Variants in TLN2 observed in about 807,000 individuals in gnomAD.
TLN2 encodes the protein talin-2.
In TLN2, 118 loss-of-function variants were observed where a neutral mutation model predicts 294.7. The ratio of observed to expected loss-of-function variants is 0.40; its 90% CI spans 0.34 to 0.47. TLN2 has a LOEUF of 0.47. Ranked by LOEUF, TLN2 falls within the 20% of genes least tolerant of loss-of-function variation. The pLI, the probability that TLN2 is intolerant of heterozygous loss-of-function variation, is 0.84. For synonymous variants in TLN2, 1,431 were observed against 1,304.5 expected, an observed-to-expected ratio of 1.10 and a Z score of -2.09; for missense variants, 3,083 against 3,282.2, an observed-to-expected ratio of 0.94 and a Z score of 1.48.
chr15:62,530,012 G>A (rs2040956470), intron 1 of TLN2, among the ~76,000 whole-genome samples: 1 of 152,150 alleles, frequency 6.6e-6, no homozygotes, highest in African/African-American at 2.4e-5. Flanking sequence ...ACCAACTGGT[G>A]AAACCCCTTC....
chr15:62,441,542 T>TG (rs1411629614), intron 1 of TLN2, among the ~76,000 whole-genome samples: 1 of 152,224 alleles, frequency 6.6e-6, no homozygotes, highest in African/African-American at 2.4e-5. Context: ...CATTGTCTGT[T>TG]GGGGCGGGAG....
chr15:62,672,147 G>T (rs2055509714), intron 9 of TLN2, among the ~76,000 whole-genome samples: 1 of 152,040 alleles, frequency 6.6e-6, no homozygotes, highest in Non-Finnish European at 1.5e-5. Context: ...ATTTATTTCA[G>T]TAAGAGTTGT....
At chr15:62,730,982 C>A (rs1338061393) in intron 28 of TLN2, among the ~76,000 whole-genome samples, 1 of 152,148 alleles carries the variant, frequency 6.6e-6, no homozygotes, top group Non-Finnish European at 1.5e-5. Context: ...TTTTCTTCTT[C>A]ATAGTTTTTC....
At chr15:62,839,477 G>C (rs116170215) in intron 58 of TLN2, among the ~76,000 whole-genome samples, 3,693 of 152,296 alleles carry the variant, frequency 0.024, 137 homozygotes, top group African/African-American at 0.083. Flanking sequence ...ACTGCCCACT[G>C]CAGACATTTG....
intron 1 of TLN2, among the ~76,000 whole-genome samples, chr15:62,480,272 G>A (rs1162975550): frequency 6.6e-6 from 1 of 152,172 alleles, no homozygotes; most frequent in Non-Finnish European, 1.5e-5. Flanking sequence ...GGAGTGCAGC[G>A]GCGCGATCTC....
At chr15:62,610,457 C>A (rs1242061420) in intron 2 of TLN2, among the ~76,000 whole-genome samples, 1 of 152,136 alleles carries the variant, frequency 6.6e-6, no homozygotes, top group African/African-American at 2.4e-5. Flanking sequence ...TCATGGCCAC[C>A]AGCCTGAACT....
chr15:62,799,724 A>G (rs2065792275), intron 48 of TLN2, among the ~76,000 whole-genome samples: 1 of 152,250 alleles, frequency 6.6e-6, no homozygotes, highest in South Asian at 2.1e-4. Context: ...AAGTGCTGTA[A>G]ATAAAACGGC....
chr15:62,815,297 C>T (rs1471501589), intron 52 of TLN2, among the ~76,000 whole-genome samples: 1 of 151,686 alleles, frequency 6.6e-6, no homozygotes, highest in Non-Finnish European at 1.5e-5. Flanking sequence ...GATCATATGA[C>T]CATGGCCTCT....
At chr15:62,708,935 A>T in intron 21 of TLN2, 139 bp downstream of exon 21, 1 of 1,013,900 alleles carries the variant, frequency 9.9e-7, no homozygotes, top group Admixed American at 2.9e-5. Context: ...TTCCCCACTG[A>T]AGCTCAGAAA....
chr15:62,652,266 C>A, intron 6 of TLN2, 132 bp downstream of exon 6: 1 of 966,470 alleles, frequency 1.0e-6, no homozygotes. Flanking sequence ...GCCTAATCCC[C>A]AGAGGGTGTG....
intron 1 of TLN2, among the ~76,000 whole-genome samples, chr15:62,571,404 C>T (rs1482278338): frequency 6.6e-6 from 1 of 152,202 alleles, no homozygotes; most frequent in African/African-American, 2.4e-5. Flanking sequence ...TTACAGCCAG[C>T]CAGTCTTGCT....
At chr15:62,402,586 T>A (rs2033107259) in intron 1 of TLN2, among the ~76,000 whole-genome samples, 1 of 152,220 alleles carries the variant, frequency 6.6e-6, no homozygotes. Context: ...CTCACTCTCC[T>A]TCAGCTTCAG....
chr15:62,790,010 G>A (rs1229060901), intron 45 of TLN2, among the ~76,000 whole-genome samples: 1 of 152,196 alleles, frequency 6.6e-6, no homozygotes. Flanking sequence ...GTAGTTTTGT[G>A]CTGATCTCAG....
intron 1 of TLN2, among the ~76,000 whole-genome samples, chr15:62,403,084 A>C (rs2033144108): frequency 6.6e-6 from 1 of 152,148 alleles, no homozygotes; most frequent in African/African-American, 2.4e-5. Flanking sequence ...CTAAAAACAC[A>C]AAAATTGGCT....
intron 1 of TLN2, among the ~76,000 whole-genome samples, chr15:62,522,464 C>T (rs1383030191): frequency 6.6e-6 from 1 of 152,170 alleles, no homozygotes; most frequent in Non-Finnish European, 1.5e-5. Flanking sequence ...AGCATTGGCA[C>T]AACTGGCATA....
chr15:62,587,015 G>A (rs1464074781), intron 1 of TLN2, among the ~76,000 whole-genome samples: 1 of 152,210 alleles, frequency 6.6e-6, no homozygotes, highest in Non-Finnish European at 1.5e-5. Flanking sequence ...GATTCCATTG[G>A]TCACAGTAAC....
At chr15:62,538,862 G>A (rs550768723) in intron 1 of TLN2, among the ~76,000 whole-genome samples, 102 of 152,310 alleles carry the variant, frequency 6.7e-4, no homozygotes, top group African/African-American at 2.4e-3. Context: ...GTAGGGGTAA[G>A]TATATCCCAT....
intron 29 of TLN2, 149 bp downstream of exon 29, chr15:62,737,235 A>T (rs544175554): frequency 1.0e-5 from 8 of 775,710 alleles, no homozygotes; most frequent in Admixed American, 7.4e-5. Flanking sequence ...GATGCTGGCC[A>T]TACATGATAC....
rs541323562 is a variant in TLN2, at chr15:62,812,966, G to A, written c.6771+2934G>A. Reference sequence around the variant, plus strand: ...GTCAACATCAGCCCTGATGGTAAACGGCAGCTTTTTCTGTAACAGGAAGAA... The same window carrying A: ...GTCAACATCAGCCCTGATGGTAAACAGCAGCTTTTTCTGTAACAGGAAGAA... On this transcript the variant is annotated intron_variant, in intron 52 of 58. Coordinates refer to ENST00000636159, the MANE Select transcript of TLN2 (RefSeq NM_015059.3). Among the ~76,000 whole-genome samples the A allele has an allele frequency of 5.9e-5, 9 of 152,302 alleles. No homozygotes were observed. The South Asian group carries it at 1.9e-3, about 32-fold the overall frequency.
Sources: allele counts gnomAD v4.1 joint callset (sites outside exome capture counted in the v4.1 genomes callset), GRCh38; gene constraint gnomAD v4.1.1; transcripts MANE v1.5; gene names NCBI Gene and HGNC (gene_info 2026-07-23, HGNC 2026-07-21).